Variants in PTPN21 observed in about 807,000 individuals in gnomAD.
PTPN21 encodes the protein tyrosine-protein phosphatase non-receptor type 21.
A neutral mutation model predicts 131.8 loss-of-function variants in PTPN21; 77 were observed. That is an observed-to-expected ratio of 0.58 (90% confidence interval 0.49 to 0.71). The LOEUF (loss-of-function observed/expected upper bound fraction) is 0.71, where lower values mean the gene tolerates loss of function less well. Ranked by LOEUF, PTPN21 falls within the 30% of genes least tolerant of loss-of-function variation. The pLI is 0.00. For missense variants in PTPN21, 1,552 were observed against 1,527.1 expected (o/e 1.02, Z -0.27); for synonymous variants, 715 against 621.3 (o/e 1.15, Z -2.24).
In PTPN21 at chr14:88,484,973, G is replaced by A. The variant is rs545129194; in HGVS notation, c.1078+103C>T. ...CTATTATCATGATGCAATTTGGGGT[G>A]CAACTTCAGCCAAAAACTGTCCAGG... On this transcript the variant is annotated intron_variant, in intron 12 of 18. Coordinates refer to ENST00000556564, the MANE Select transcript of PTPN21 (RefSeq NM_007039.4). The A allele has an allele frequency of 2.3e-4, 201 of 875,268 alleles. 2 individuals carry two copies. In the South Asian group the frequency reaches 2.8e-3, roughly 12 times the overall value. 54.2% of individuals were successfully genotyped at this position (875,268 alleles called of 1,614,324 possible).
rs1283991457 is a variant in PTPN21 at position 88,479,973 on chromosome 14, G to A, written c.1458C>T (p.Pro486=). 1.7e-5 allele frequency: 28 copies of A among 1,609,942 alleles called. No homozygotes were observed. Among genetic ancestry groups the A allele is most frequent in the African/African-American group, 2.7e-5 (2 of 74,942 alleles). ...CGGGCTGGCTGTAGACCAGCGCCGC[G>A]GGCCTGCTGTAGGCGTACGAGCTGC... The part of the protein sequence containing the change: ...NIGSSYAYSR[P]AALVYSQPEI... The change falls in exon 13 of 19, where the codon CCC becomes CCT. Residue 486 remains proline, a synonymous_variant. Transcript: ENST00000556564.
chr14:88,526,202 A>C (rs2078472315), intron 2 of PTPN21, among the ~76,000 whole-genome samples: 2 of 152,156 alleles, frequency 1.3e-5, no homozygotes, highest in South Asian at 4.1e-4. Flanking sequence ...AAAATGTTTT[A>C]GAAATAGACA....
intron 13 of PTPN21, among the ~76,000 whole-genome samples, chr14:88,475,111 A>C (rs561084375): frequency 1.3e-5 from 2 of 152,214 alleles, no homozygotes; most frequent in South Asian, 4.2e-4. Flanking sequence ...AAGAACACTA[A>C]GTTTCGTTGG....
chr14:88,528,954 G>A (rs1047370977), intron 2 of PTPN21, among the ~76,000 whole-genome samples: 2 of 152,082 alleles, frequency 1.3e-5, no homozygotes, highest in African/African-American at 2.4e-5. Flanking sequence ...CCTCTTTACC[G>A]ATTTGGATGC....
intron 12 of PTPN21, among the ~76,000 whole-genome samples, chr14:88,482,218 G>A (rs1413532334): frequency 6.6e-6 from 1 of 152,190 alleles, no homozygotes; most frequent in Non-Finnish European, 1.5e-5. Flanking sequence ...TGGGCAAGCT[G>A]GGGTGGCTAG....
intron 3 of PTPN21, among the ~76,000 whole-genome samples, chr14:88,510,912 TAGA>T (rs1326509568): frequency 4.3e-5 from 6 of 140,188 alleles, no homozygotes; most frequent in African/African-American, 1.7e-4. Flanking sequence ...CACAGACAGA[TAGA>T]TTTTTTTTTT....
chr14:88,522,451 A>G (rs1336942411), intron 2 of PTPN21, among the ~76,000 whole-genome samples: 2 of 151,276 alleles, frequency 1.3e-5, no homozygotes, highest in African/African-American at 4.8e-5. Flanking sequence ...AAAGAAAAAA[A>G]GAAAGGTGGG....
chr14:88,551,953 A>C (rs1434967328), intron 1 of PTPN21: 1 of 152,258 alleles, frequency 6.6e-6, no homozygotes, highest in Non-Finnish European at 1.5e-5. Flanking sequence ...AAAATCCCGG[A>C]CATTTCCAGG....
chr14:88,485,749 T>TA, intron 11 of PTPN21, 33 bp downstream of exon 11: 1 of 1,504,006 alleles, frequency 6.6e-7, no homozygotes, highest in Admixed American at 1.7e-5. Context: ...ATCACTAAAA[T>TA]AAAAAAGCAA....
rs752269385 is a variant in PTPN21, at chr14:88,473,783, A to G, written c.2531T>C (p.Val844Ala). 4 of 1,607,838 alleles carry G rather than the reference A, an allele frequency of 2.5e-6. No individual in the cohort carries two copies. The highest frequency in any genetic ancestry group is 2.7e-5 in the African/African-American group (2 of 74,184). Residue 844 changes from valine (V) to alanine (A), a missense_variant, in exon 14 of 19, where the codon GTA becomes GCA. Physicochemically the swap from Val to Ala is moderately conservative, Grantham distance 64. This residue lies in a region of PTPN21 where 1,016 missense variants were observed against 883.5 expected (regional missense o/e 1.15). Transcript: ENST00000556564. ...PPLGGMKKTR[V>A]DAKKIGPLKL... ...AAGAGGACCAATTTTTTTTGCATCT[A>G]CTCGAGTCTTTTTCATTCCCTGTAA...
chr14:88,519,494 G>A (rs2078356870), intron 2 of PTPN21, among the ~76,000 whole-genome samples: 1 of 152,154 alleles, frequency 6.6e-6, no homozygotes, highest in Non-Finnish European at 1.5e-5. Context: ...GTATTGGATA[G>A]TATAGATTTA....
At chr14:88,532,498 T>C (rs1003686097) in intron 2 of PTPN21, among the ~76,000 whole-genome samples, 42 of 152,278 alleles carry the variant, frequency 2.8e-4, no homozygotes, top group East Asian at 5.8e-4. Flanking sequence ...GTGAACATAA[T>C]TGAAGAACAG....
chr14:88,477,551 G>T (rs1365562131), intron 13 of PTPN21, among the ~76,000 whole-genome samples: 1 of 149,646 alleles, frequency 6.7e-6, no homozygotes, highest in Non-Finnish European at 1.5e-5. Context: ...TACTATAATA[G>T]TGTGCGTTTT....
chr14:88,520,682 T>G (rs909423137), intron 2 of PTPN21, among the ~76,000 whole-genome samples: 1 of 152,200 alleles, frequency 6.6e-6, no homozygotes, highest in African/African-American at 2.4e-5. Flanking sequence ...TCCAAAGTTC[T>G]GAGTTTGATT....
intron 2 of PTPN21, among the ~76,000 whole-genome samples, chr14:88,521,017 TA>T (rs767376327): frequency 2.0e-5 from 3 of 148,082 alleles, no homozygotes; most frequent in Admixed American, 7.6e-5. Flanking sequence ...TATATATATA[TA>T]TTTTTTTTGG....
At position 88,471,080 on chromosome 14, in the gene PTPN21, T is replaced by C. The variant is rs555437062; in HGVS notation, c.2872-1030A>G. On this transcript the variant is annotated intron_variant, in intron 15 of 18. Coordinates refer to ENST00000556564, the MANE Select transcript of PTPN21 (RefSeq NM_007039.4). ...TTATTTCAAGGAAATGCTCGGTTTTTAAGTAAATTATGCTGATATTATATT... is the reference window on the plus strand; with the variant it reads ...TTATTTCAAGGAAATGCTCGGTTTTCAAGTAAATTATGCTGATATTATATT... 2.0e-5 allele frequency among the ~76,000 whole-genome samples: 3 copies of C among 152,330 alleles called. No homozygotes were observed. In the South Asian group the frequency reaches 6.2e-4, roughly 32 times the overall value.
At chr14:88,554,218 T>G (rs892166777) in intron 1 of PTPN21, among the ~76,000 whole-genome samples, 5 of 152,188 alleles carry the variant, frequency 3.3e-5, no homozygotes, top group Non-Finnish European at 4.4e-5. Flanking sequence ...AAGTCGGAAT[T>G]TGCAGATCCA....
chr14:88,500,667 C>T (rs2077993616), intron 8 of PTPN21, 116 bp downstream of exon 8: 1 of 707,794 alleles, frequency 1.4e-6, no homozygotes, highest in Non-Finnish European at 2.4e-6. Flanking sequence ...GAATTATTTC[C>T]ATTTTTTAAT....
chr14:88,483,351 G>A (rs2077681490), intron 12 of PTPN21, among the ~76,000 whole-genome samples: 1 of 152,092 alleles, frequency 6.6e-6, no homozygotes, highest in African/African-American at 2.4e-5. Context: ...TAACAATGCA[G>A]AGGACAGCCA....
Sources: gnomAD v4.1 joint callset for allele counts (sites outside exome capture counted in the v4.1 genomes callset) on GRCh38, gnomAD v4.1.1 for gene constraint, gnomAD v4.1.1 regional missense constraint, MANE v1.5 for transcripts, NCBI Gene and HGNC (gene_info 2026-07-23, HGNC 2026-07-21) for gene names.